Variants in TTC27 observed in about 807,000 individuals in gnomAD.
TTC27 encodes the protein tetratricopeptide repeat protein 27.
Under a neutral mutation model 115.9 loss-of-function variants are expected in TTC27, and 79 were observed. The observed-to-expected ratio is 0.68, with a 90% CI of 0.57 to 0.82. TTC27 has a LOEUF of 0.82. TTC27 is among the 40% of genes least tolerant of loss of function. TTC27 has a pLI of 0.00. For missense variants in TTC27, 1,054 were observed against 993.1 expected (o/e 1.06, Z -0.82); for synonymous variants, 401 against 356.0 (o/e 1.13, Z -1.42).
intron 9 of TTC27, among the ~76,000 whole-genome samples, chr2:32,700,656 G>T (rs1667154498): frequency 6.6e-6 from 1 of 152,082 alleles, no homozygotes; most frequent in Non-Finnish European, 1.5e-5. Flanking sequence ...TTCTGCCTCA[G>T]CCTCCTGAGT....
At chr2:32,752,468 C>A (rs1669053093) in intron 12 of TTC27, among the ~76,000 whole-genome samples, 1 of 152,172 alleles carries the variant, frequency 6.6e-6, no homozygotes, top group East Asian at 1.9e-4. Flanking sequence ...TAATTTAGAA[C>A]CATCCCCAGC....
chr2:32,809,654 G>T (rs1352015405), intron 16 of TTC27, among the ~76,000 whole-genome samples: 3 of 152,232 alleles, frequency 2.0e-5, no homozygotes, highest in African/African-American at 4.8e-5. Context: ...CATCAAAGGA[G>T]TGGAAGATTG....
intron 13 of TTC27, among the ~76,000 whole-genome samples, chr2:32,771,473 T>G (rs2148007352): frequency 6.6e-6 from 1 of 152,300 alleles, no homozygotes; most frequent in East Asian, 1.9e-4. Context: ...TAAAGACCAG[T>G]GGTAACCAAA....
At chr2:32,730,232 A>T (rs768323774) in intron 10 of TTC27, among the ~76,000 whole-genome samples, 2 of 152,220 alleles carry the variant, frequency 1.3e-5, no homozygotes, top group Non-Finnish European at 2.9e-5. Context: ...AAATGCTTGA[A>T]GTAAAACAAA....
intron 3 of TTC27, among the ~76,000 whole-genome samples, chr2:32,638,014 C>G (rs1664494492): frequency 6.6e-6 from 1 of 152,202 alleles, no homozygotes; most frequent in African/African-American, 2.4e-5. Flanking sequence ...TAGCCCTAGC[C>G]CTTCCTGAGG....
Position 32,650,221 on chromosome 2 carries a change from T to C in TTC27, c.628T>C (p.Cys210Arg). 6.2e-7 allele frequency: 1 copy of C among 1,613,656 alleles called. No individual in the cohort carries two copies. The highest frequency in any genetic ancestry group is 8.5e-7 in the Non-Finnish European group (1 of 1,179,760). The change falls in exon 5 of 20, where the codon TGT becomes CGT. Residue 210 changes from cysteine to arginine, a missense_variant. Transcript: ENST00000317907. ...SPLLFTLAEN[C>R]IDQVMKLQNL... The stretch of plus-strand genomic sequence containing the variant: ...TCTGCTTTTTACTCTTGCCGAAAAC[T>C]GTATTGATCAAGGTATGTAGCAGAT...
At chr2:32,760,426 G>A (rs1274579903) in intron 13 of TTC27, among the ~76,000 whole-genome samples, 1 of 152,120 alleles carries the variant, frequency 6.6e-6, no homozygotes, top group South Asian at 2.1e-4. Flanking sequence ...GTGTGGGGAT[G>A]TGCTACTGAC....
intron 10 of TTC27, among the ~76,000 whole-genome samples, chr2:32,708,430 A>G (rs549022182): frequency 2.7e-5 from 4 of 148,828 alleles, no homozygotes; most frequent in African/African-American, 5.0e-5. Context: ...TCTTGCCTCA[A>G]CCTTCTGAGT....
intron 16 of TTC27, among the ~76,000 whole-genome samples, chr2:32,810,324 A>G (rs1261269279): frequency 6.6e-6 from 1 of 152,196 alleles, no homozygotes; most frequent in African/African-American, 2.4e-5. Flanking sequence ...GAGAAGCTGT[A>G]TTTAGGATTG....
chr2:32,664,569 T>G (rs1665695075), intron 6 of TTC27, 102 bp downstream of exon 6: 1 of 1,015,408 alleles, frequency 9.8e-7, no homozygotes, highest in Non-Finnish European at 1.4e-6. Flanking sequence ...CTATATCCTA[T>G]TTGCTTTACA....
intron 19 of TTC27, among the ~76,000 whole-genome samples, chr2:32,820,493 A>T (rs1402157144): frequency 6.6e-6 from 1 of 152,256 alleles, no homozygotes; most frequent in Non-Finnish European, 1.5e-5. Flanking sequence ...ACAATAAATA[A>T]AGTCATTTTG....
Position 32,635,556 on chromosome 2 carries a change from C to T in TTC27, c.396+1551C>T, listed in dbSNP as rs186368716. Among the ~76,000 whole-genome samples, 427 of 152,130 alleles carry T rather than the reference C, an allele frequency of 2.8e-3. 1 individual carries two copies. The highest frequency in any genetic ancestry group is 9.3e-3 in the African/African-American group (386 of 41,506). ...AAAATTAGCCGGGTGTGGTGGTGCA[C>T]GCTTGTAATCCCAGCTACTCAGGAG... On this transcript the variant is annotated intron_variant, in intron 3 of 19. Transcript: ENST00000317907.
intron 10 of TTC27, among the ~76,000 whole-genome samples, chr2:32,723,602 A>T (rs888568611): frequency 6.6e-6 from 1 of 151,944 alleles, no homozygotes; most frequent in Non-Finnish European, 1.5e-5. Context: ...TCTGGGGCCA[A>T]TTGAAATTGA....
intron 2 of TTC27, among the ~76,000 whole-genome samples, chr2:32,631,385 T>A (rs921127864): frequency 6.6e-6 from 1 of 152,230 alleles, no homozygotes; most frequent in Non-Finnish European, 1.5e-5. Context: ...CTATTTATTA[T>A]GTTTTAGATT....
chr2:32,700,270 G>C (rs1667138945), intron 9 of TTC27, among the ~76,000 whole-genome samples: 1 of 152,132 alleles, frequency 6.6e-6, no homozygotes, highest in Non-Finnish European at 1.5e-5. Flanking sequence ...CAATTTTAGA[G>C]AGGAGGAAAG....
At chr2:32,660,088 C>T (rs1665481109) in intron 5 of TTC27, among the ~76,000 whole-genome samples, 1 of 152,144 alleles carries the variant, frequency 6.6e-6, no homozygotes, top group South Asian at 2.1e-4. Flanking sequence ...GAAGAATCGC[C>T]ACACTGTGTT....
At chr2:32,638,121 A>T (rs141074165) in intron 3 of TTC27, among the ~76,000 whole-genome samples, 11 of 152,244 alleles carry the variant, frequency 7.2e-5, no homozygotes, top group Non-Finnish European at 1.3e-4. Context: ...AATTGGAAAC[A>T]TGGGCTTCAC....
chr2:32,629,267 A>G (rs2063539511), intron 1 of TTC27, among the ~76,000 whole-genome samples: 1 of 150,688 alleles, frequency 6.6e-6, no homozygotes, highest in South Asian at 2.1e-4. Flanking sequence ...GACTACAGGC[A>G]TGCACCACCA....
chr2:32,819,675 C>T (rs1169846017), intron 19 of TTC27, among the ~76,000 whole-genome samples: 1 of 152,142 alleles, frequency 6.6e-6, no homozygotes, highest in Non-Finnish European at 1.5e-5. Context: ...CCAGTCCATG[C>T]TCTCCCAGGA....
Sources: allele counts gnomAD v4.1 joint callset (sites outside exome capture counted in the v4.1 genomes callset), GRCh38; gene constraint gnomAD v4.1.1; transcripts MANE v1.5; gene names NCBI Gene and HGNC (gene_info 2026-07-23, HGNC 2026-07-21).